MACC1: variants seen among roughly 807,000 people sequenced by gnomAD.
The protein encoded by MACC1 is MET transcriptional regulator MACC1.
Under a neutral mutation model 70.7 loss-of-function variants are expected in MACC1, and 79 were observed. The observed-to-expected ratio is 1.12, with a 90% CI of 0.93 to 1.35. The LOEUF (loss-of-function observed/expected upper bound fraction) is 1.35, where lower values mean the gene tolerates loss of function less well. Among genes scored for constraint, MACC1 ranks in the 40% most tolerant of loss-of-function variants. The pLI, the probability that MACC1 is intolerant of heterozygous loss-of-function variation, is 0.00. For synonymous variants in MACC1, 361 were observed against 347.2 expected (o/e 1.04, Z -0.44); for missense variants, 1,106 against 978.1 (o/e 1.13, Z -1.74).
At chr7:20,180,121 T>A (rs1229899528) in intron 1 of MACC1, among the ~76,000 whole-genome samples, 1 of 152,164 alleles carries the variant, frequency 6.6e-6, no homozygotes, top group Non-Finnish European at 1.5e-5. Flanking sequence ...CTTATTCAAT[T>A]CAGATAATGA....
chr7:20,173,603 T>C (rs1782345449), intron 1 of MACC1, among the ~76,000 whole-genome samples: 1 of 152,150 alleles, frequency 6.6e-6, no homozygotes, highest in Admixed American at 6.6e-5. Context: ...ATGCAAAAAG[T>C]GGGTTGCAAA....
intron 1 of MACC1, among the ~76,000 whole-genome samples, chr7:20,188,789 T>C (rs1268386513): frequency 1.3e-5 from 2 of 152,246 alleles, no homozygotes; most frequent in African/African-American, 4.8e-5. Context: ...CCTGTCATCA[T>C]GCGAGGCAGC....
rs1781700856 is a variant in MACC1, at chr7:20,134,966, CT to C, written c.*5979del. The C allele has an allele frequency of 6.6e-6, 1 of 152,170 alleles. No homozygotes were observed. Among genetic ancestry groups the C allele is most frequent in the African/African-American group, 2.4e-5 (1 of 41,448 alleles). The allele number at this position is 152,170 out of a possible 1,614,324, so 9.4% of individuals were successfully genotyped here. On this transcript the variant is annotated 3_prime_UTR_variant, in exon 7 of 7. Transcript: ENST00000400331. ...ATCTCTTTAAATGTGGAATATGATCCTTAGAAAGAACATCCGATCACCTTAT... is the reference window on the plus strand; with the variant it reads ...ATCTCTTTAAATGTGGAATATGATCCTAGAAAGAACATCCGATCACCTTAT...
At chr7:20,189,274 ATTTAT>A (rs1782636807) in intron 1 of MACC1, among the ~76,000 whole-genome samples, 1 of 152,056 alleles carries the variant, frequency 6.6e-6, no homozygotes, top group Admixed American at 6.6e-5. Context: ...TATTTGACTT[ATTTAT>A]TTTATGTCCT....
Position 20,190,560 on chromosome 7 carries a change from C to T in MACC1, c.-217-19782G>A, listed in dbSNP as rs1158664341. On this transcript the variant is annotated intron_variant, in intron 1 of 6. Coordinates refer to ENST00000400331, the MANE Select transcript of MACC1 (RefSeq NM_182762.4). ...GGATTCTTGTTCAAAACAGAATTAG[C>T]ATTGGCTTTTTCAGTTCCCACAGCC... 2.6e-5 allele frequency among the ~76,000 whole-genome samples: 4 copies of T among 152,150 alleles called. No individual in the cohort carries two copies. In the South Asian group the frequency reaches 6.2e-4, roughly 24 times the overall value.
chr7:20,151,897 T>A (rs1781984763), intron 6 of MACC1, among the ~76,000 whole-genome samples: 1 of 152,208 alleles, frequency 6.6e-6, no homozygotes, highest in Non-Finnish European at 1.5e-5. Context: ...GTGTAATGGT[T>A]AAAGTCATGG....
chr7:20,163,160 T>C (rs1782162383), intron 3 of MACC1, among the ~76,000 whole-genome samples: 1 of 152,140 alleles, frequency 6.6e-6, no homozygotes, highest in Non-Finnish European at 1.5e-5. Flanking sequence ...CAATGGCCCC[T>C]AGATATATGG....
chr7:20,165,460 A>G (rs1215024577), intron 2 of MACC1, among the ~76,000 whole-genome samples: 1 of 151,878 alleles, frequency 6.6e-6, no homozygotes, highest in East Asian at 1.9e-4. Context: ...CTCTACACAA[A>G]CACATCCCTC....
intron 1 of MACC1, among the ~76,000 whole-genome samples, chr7:20,188,243 G>A (rs1039049368): frequency 6.6e-6 from 1 of 152,088 alleles, no homozygotes; most frequent in Non-Finnish European, 1.5e-5. Flanking sequence ...AGAGCCAAAC[G>A]ATATCACAGA....
rs1477635674 is a variant in MACC1, at chr7:20,160,178, G to C, written c.183C>G (p.Ser61=). The change falls in exon 5 of 7, where the codon TCC becomes TCG. Residue 61 remains serine, a synonymous_variant. Coordinates refer to ENST00000400331, the MANE Select transcript of MACC1 (RefSeq NM_182762.4). ...DAFTLRGNNA[S]KVANPFWNQL... is the part of the protein sequence containing the mutation. The stretch of plus-strand genomic sequence containing the variant: ...GATTCCAGAATGGATTTGCAACTTT[G>C]GAAGCATTATTACCACGAAGGGTGA... 1 of 1,610,250 alleles carries C rather than the reference G, an allele frequency of 6.2e-7. No individual in the cohort carries two copies. The highest frequency in any genetic ancestry group is 1.1e-5 in the South Asian group (1 of 89,882).
chr7:20,164,568 C>G (rs529872607), intron 2 of MACC1, among the ~76,000 whole-genome samples, 169 bp from the exon 3 acceptor site: 2 of 152,230 alleles, frequency 1.3e-5, no homozygotes, highest in East Asian at 1.9e-4. Flanking sequence ...GTTGCAATAA[C>G]CATTTCTTTC....
chr7:20,143,166 A>G (rs773553283), intron 6 of MACC1, among the ~76,000 whole-genome samples: 34 of 152,192 alleles, frequency 2.2e-4, no homozygotes, highest in African/African-American at 5.3e-4. Flanking sequence ...TCTATGGCCT[A>G]TCTTGCGGCA....
chr7:20,197,368 G>C (rs1420542071), intron 1 of MACC1, among the ~76,000 whole-genome samples: 3 of 152,054 alleles, frequency 2.0e-5, no homozygotes, highest in South Asian at 2.1e-4. Flanking sequence ...ATCTCTATTG[G>C]ATACCAATTT....
chr7:20,212,396 G>A (rs939195773), intron 1 of MACC1, among the ~76,000 whole-genome samples: 1 of 152,136 alleles, frequency 6.6e-6, no homozygotes, highest in Non-Finnish European at 1.5e-5. Flanking sequence ...CTATAAAGAA[G>A]CCTCTTATCT....
At position 20,216,879 on chromosome 7, in the gene MACC1, G is replaced by A. The variant is rs181892367; in HGVS notation, c.-218+420C>T. On this transcript the variant is annotated intron_variant, in intron 1 of 6. Coordinates refer to ENST00000400331, the MANE Select transcript of MACC1 (RefSeq NM_182762.4). The stretch of plus-strand genomic sequence containing the variant: ...AATGGTCATAAATCTAATAAGCAGT[G>A]GGGCTGCTGATTGCAACTTTATCTA... Among the ~76,000 whole-genome samples, 94 of 152,288 alleles carry A rather than the reference G, an allele frequency of 6.2e-4. 1 individual carries two copies. Among genetic ancestry groups the A allele is most frequent in the East Asian group, 7.7e-4 (4 of 5,194 alleles).
intron 1 of MACC1, among the ~76,000 whole-genome samples, chr7:20,192,298 A>T (rs1782684014): frequency 6.6e-6 from 1 of 152,242 alleles, no homozygotes; most frequent in Non-Finnish European, 1.5e-5. Flanking sequence ...GGTTAATGAT[A>T]GCCTCTAATT....
Position 20,189,750 on chromosome 7 carries a change from AACAC to A in MACC1, c.-217-18976_-217-18973del, listed in dbSNP as rs72116191. Among the ~76,000 whole-genome samples, 98 of 117,772 alleles carry A rather than the reference AACAC, an allele frequency of 8.3e-4. 1 individual carries two copies. Among genetic ancestry groups the A allele is most frequent in the Middle Eastern group, 4.2e-3 (1 of 238 alleles). The allele number at this position is 117,772 out of a possible 152,430, so 77.3% of individuals were successfully genotyped here. On this transcript the variant is annotated intron_variant, in intron 1 of 6. Transcript: ENST00000400331. The stretch of plus-strand genomic sequence containing the variant: ...ACAGACAGACATACACAAACACATA[AACAC>A]ACACACACACACACACACACATACA...
intron 6 of MACC1, 53 bp from the exon 7 acceptor site, chr7:20,141,211 A>G: frequency 1.6e-6 from 2 of 1,269,228 alleles, no homozygotes; most frequent in Non-Finnish European, 2.1e-6. Flanking sequence ...AGGAGAGGAA[A>G]ATCGTTTTTA....
chr7:20,199,417 G>C (rs1039301616), intron 1 of MACC1, among the ~76,000 whole-genome samples: 1 of 152,258 alleles, frequency 6.6e-6, no homozygotes. Flanking sequence ...CCTGGTGTGT[G>C]TGATAGTACT....
Sources: gnomAD v4.1 joint callset for allele counts (sites outside exome capture counted in the v4.1 genomes callset) on GRCh38, gnomAD v4.1.1 for gene constraint, MANE v1.5 for transcripts, NCBI Gene and HGNC (gene_info 2026-07-23, HGNC 2026-07-21) for gene names.